The following ABCA12 variants were observed in gnomAD, a reference collection of about 807,000 sequenced individuals.
ABCA12 encodes ATP binding cassette subfamily A member 12.
In ABCA12, 156 loss-of-function variants were observed where a neutral mutation model predicts 293.5. The ratio of observed to expected loss-of-function variants is 0.53; its 90% CI spans 0.47 to 0.61. The LOEUF (loss-of-function observed/expected upper bound fraction) is 0.61. Among genes scored for constraint, ABCA12 ranks in the 20% least tolerant of loss-of-function variants. The probability of loss-of-function intolerance (pLI) is 0.00; values close to 1 mark genes in which losing one functional copy is unlikely to be tolerated. For synonymous variants in ABCA12, 1,063 were observed against 1,108.0 expected, an observed-to-expected ratio of 0.96 and a Z score of 0.81; for missense variants, 2,797 against 3,090.2, an observed-to-expected ratio of 0.91 and a Z score of 2.25.
intron 18 of ABCA12, among the ~76,000 whole-genome samples, chr2:215,008,420 A>G (rs990464535): frequency 6.6e-6 from 1 of 152,058 alleles, no homozygotes; most frequent in Non-Finnish European, 1.5e-5. Context: ...CACACAAAAC[A>G]TTGGAAACAA....
Position 214,944,885 on chromosome 2 carries a change from A to ATG in ABCA12, c.7343+115_7343+116insCA. The stretch of plus-strand genomic sequence containing the variant: ...ATTTTGTATGTGTGTATATATATAT[A>ATG]TACACACACATATATATGTATGTGT... On this transcript the variant is annotated intron_variant, in intron 49 of 52. Coordinates refer to ENST00000272895, the MANE Select transcript of ABCA12 (RefSeq NM_173076.3). The ATG allele has an allele frequency of 4.1e-6, 3 of 735,532 alleles. 1 individual carries two copies. In the South Asian group the frequency reaches 4.7e-5, roughly 11 times the overall value. The allele number at this position is 735,532 out of a possible 1,614,324, so 45.6% of individuals were successfully genotyped here.
Position 214,978,911 on chromosome 2 carries a change from T to C in ABCA12, c.4870A>G (p.Ser1624Gly), listed in dbSNP as rs1487949860. The C allele has an allele frequency of 6.2e-7, 1 of 1,614,120 alleles. No individual in the cohort carries two copies. The highest frequency in any genetic ancestry group is 1.1e-5 in the South Asian group (1 of 91,078). ...GELVYVLPPF[S>G]TKVSGAYLSL... ...AGGTAGGCCCCTGAGACTTTGGTGC[T>C]GAATGGAGGAAGTACATAAACAAGC... Residue 1624 changes from serine (S) to glycine (G), a missense_variant, in exon 32 of 53, where the codon AGC (serine) becomes GGC (glycine). By Grantham distance (56) the Ser-to-Gly change is moderately conservative. Around this residue, in one of 3 missense-constraint regions of ABCA12, gnomAD observed 2,130 missense variants for 2,427.0 expected, o/e 0.88. Transcript: ENST00000272895.
chr2:215,082,442 T>C (rs575111361), intron 2 of ABCA12, among the ~76,000 whole-genome samples: 1 of 151,882 alleles, frequency 6.6e-6, no homozygotes, highest in East Asian at 1.9e-4. Context: ...CTTTCAACCA[T>C]AGGCTGTCTC....
At chr2:214,957,812 G>A (rs1698995288) in intron 41 of ABCA12, among the ~76,000 whole-genome samples, 1 of 152,032 alleles carries the variant, frequency 6.6e-6, no homozygotes, top group Non-Finnish European at 1.5e-5. Flanking sequence ...TCATTAGCAG[G>A]GGCTACTACT....
chr2:214,968,661 A>G (rs1370650501), intron 38 of ABCA12, 59 bp downstream of exon 38: 1 of 1,510,458 alleles, frequency 6.6e-7, no homozygotes, highest in Non-Finnish European at 9.2e-7. Context: ...AAAATGATTA[A>G]ACATATCAAT....
At chr2:215,092,172 A>G (rs1489409692) in intron 2 of ABCA12, among the ~76,000 whole-genome samples, 1 of 152,000 alleles carries the variant, frequency 6.6e-6, no homozygotes, top group Non-Finnish European at 1.5e-5. Flanking sequence ...TATGGAGGCT[A>G]CCCACTCCAC....
Position 215,111,697 on chromosome 2 carries a change from A to C in ABCA12, c.70-7T>G. The C allele has an allele frequency of 6.2e-7, 1 of 1,607,376 alleles. No homozygotes were observed. Among genetic ancestry groups the C allele is most frequent in the Non-Finnish European group, 8.5e-7 (1 of 1,174,778 alleles). On this transcript the variant is annotated splice_polypyrimidine_tract_variant and splice_region_variant and intron_variant, in intron 1 of 52. Transcript: ENST00000272895. ...TCAAGACAAGTGTCCAAAGCTGCAA[A>C]ATAATGGTAGAAAAAATTGTTAGTT...
chr2:214,940,176 G>A (rs750961631), intron 50 of ABCA12, among the ~76,000 whole-genome samples: 25 of 152,062 alleles, frequency 1.6e-4, no homozygotes, highest in Non-Finnish European at 3.1e-4. Context: ...AGCATGAAGG[G>A]GTGTTGAATT....
At chr2:214,969,619 T>C (rs1304813555) in intron 37 of ABCA12, among the ~76,000 whole-genome samples, 1 of 152,132 alleles carries the variant, frequency 6.6e-6, no homozygotes, top group Non-Finnish European at 1.5e-5. Context: ...GACAAACTTC[T>C]GGAAGGATAT....
Position 214,980,641 on chromosome 2 carries a change from T to G in ABCA12, c.4582A>C (p.Arg1528=). ...TGGTGCGTTGACAGAATGATTGTTC[T>G]GGCTTGAAAATACAGACAAGAACAA... ...WDVISKNKTA[R]TIILSTHHLD... The change falls in exon 31 of 53, where the codon AGA becomes CGA. Residue 1528 remains arginine, a splice_region_variant and synonymous_variant. Transcript: ENST00000272895. 6.2e-7 allele frequency: 1 copy of G among 1,614,080 alleles called. No homozygotes were observed.
intron 39 of ABCA12, among the ~76,000 whole-genome samples, 178 bp downstream of exon 39, chr2:214,966,670 G>C (rs1303958154): frequency 1.3e-5 from 2 of 152,064 alleles, no homozygotes; most frequent in South Asian, 4.1e-4. Flanking sequence ...GAAGTTAAGA[G>C]GATTATCCAG....
At chr2:215,007,872 T>A (rs748214157) in intron 18 of ABCA12, 26 bp from the exon 19 acceptor site, 3 of 1,613,446 alleles carry the variant, frequency 1.9e-6, no homozygotes, top group Non-Finnish European at 1.7e-6. Flanking sequence ...ACAAAAGAAG[T>A]GTGATCCATT....
intron 41 of ABCA12, 68 bp from the exon 42 acceptor site, chr2:214,956,846 C>T: frequency 9.0e-7 from 1 of 1,110,664 alleles, no homozygotes; most frequent in Non-Finnish European, 1.4e-6. Context: ...AAATCAATAA[C>T]CCATCTAGTT....
chr2:215,081,140 G>A (rs1701928117), intron 2 of ABCA12, among the ~76,000 whole-genome samples: 1 of 152,140 alleles, frequency 6.6e-6, no homozygotes, highest in Admixed American at 6.6e-5. Flanking sequence ...TAAAGTTTAT[G>A]TCAATTGACT....
chr2:215,011,848 G>A, intron 16 of ABCA12, 123 bp downstream of exon 16: 1 of 1,207,478 alleles, frequency 8.3e-7, no homozygotes, highest in South Asian at 1.3e-5. Context: ...AGGTAGAAGA[G>A]TTTTCTTGTA....
At chr2:215,033,887 G>C (rs957682740) in intron 8 of ABCA12, among the ~76,000 whole-genome samples, 14 of 152,130 alleles carry the variant, frequency 9.2e-5, no homozygotes, top group East Asian at 3.9e-4. Context: ...CTTGCAGTGA[G>C]CCGAGATCAT....
intron 2 of ABCA12, among the ~76,000 whole-genome samples, chr2:215,092,965 C>G (rs906608503): frequency 6.6e-6 from 1 of 152,168 alleles, no homozygotes; most frequent in African/African-American, 2.4e-5. Context: ...TCAGGGACAG[C>G]CCCCATTACT....
intron 2 of ABCA12, among the ~76,000 whole-genome samples, chr2:215,089,431 C>T (rs573101095): frequency 2.6e-5 from 4 of 152,282 alleles, no homozygotes; most frequent in Non-Finnish European, 4.4e-5. Context: ...TACTAATTAG[C>T]GCACAGGCCA....
intron 11 of ABCA12, chr2:215,023,025 G>C (rs1229982227): frequency 1.3e-5 from 2 of 152,192 alleles, no homozygotes; most frequent in Non-Finnish European, 2.9e-5. Flanking sequence ...GTTCCGGCAA[G>C]GAGAAAAAGC....
Sources: gnomAD v4.1 joint callset for allele counts (sites outside exome capture counted in the v4.1 genomes callset) on GRCh38, gnomAD v4.1.1 for gene constraint, gnomAD v4.1.1 regional missense constraint, MANE v1.5 for transcripts, NCBI Gene and HGNC (gene_info 2026-07-23, HGNC 2026-07-21) for gene names.